CNTRL: variants seen among roughly 807,000 people sequenced by gnomAD.
The protein encoded by CNTRL is centriolin.
A neutral mutation model predicts 303.7 loss-of-function variants in CNTRL; 233 were observed. The observed-to-expected ratio is 0.77, with a 90% CI of 0.69 to 0.86. CNTRL has a LOEUF of 0.86. Among genes scored for constraint, CNTRL ranks in the 40% least tolerant of loss-of-function variants. The pLI is 0.00. For missense variants in CNTRL, 2,524 were observed against 2,650.6 expected (o/e 0.95, Z 1.05); for synonymous variants, 900 against 922.2 (o/e 0.98, Z 0.44).
rs1201861219 is a variant in CNTRL at position 121,150,286 on chromosome 9, G to C, written c.3766G>C (p.Val1256Leu). 2 of 1,614,138 alleles carry C rather than the reference G, an allele frequency of 1.2e-6. No individual in the cohort carries two copies. The highest frequency in any genetic ancestry group is 1.7e-5 in the Admixed American group (1 of 60,022). ...TACTGTGCTTCCTGATGGTTCTCCTGTACCCCAGGGCATGGCCCTGTATGC... is the reference window on the plus strand; with the variant it reads ...TACTGTGCTTCCTGATGGTTCTCCTCTACCCCAGGGCATGGCCCTGTATGC... ...MYTVLPDGSP[V>L]PQGMALYAPP... The change falls in exon 25 of 44, where the codon GTA becomes CTA. Residue 1256 changes from valine (V) to leucine (L), a missense_variant. Transcript: ENST00000373855.
At chr9:121,154,537 T>C (rs2052457247) in intron 26 of CNTRL, among the ~76,000 whole-genome samples, 184 bp from the exon 27 acceptor site, 1 of 152,246 alleles carries the variant, frequency 6.6e-6, no homozygotes, top group East Asian at 1.9e-4. Flanking sequence ...TTATTGCCAA[T>C]AGGAATTCCA....
intron 6 of CNTRL, among the ~76,000 whole-genome samples, chr9:121,097,240 C>G (rs1208215972): frequency 6.6e-6 from 1 of 151,680 alleles, no homozygotes; most frequent in Non-Finnish European, 1.5e-5. Flanking sequence ...GAAAATTGTG[C>G]CATAATTTAA....
intron 2 of CNTRL, among the ~76,000 whole-genome samples, chr9:121,082,279 C>A (rs1040687086): frequency 2.6e-5 from 4 of 152,134 alleles, no homozygotes; most frequent in Admixed American, 6.5e-5. Context: ...CTTATTTGAA[C>A]ATGGTACGAT....
At chr9:121,104,964 C>T (rs2132882911) in intron 7 of CNTRL, among the ~76,000 whole-genome samples, 2 of 152,296 alleles carry the variant, frequency 1.3e-5, no homozygotes, top group African/African-American at 4.8e-5. Flanking sequence ...CCTGCCTCGG[C>T]CTCCCAAAGT....
At chr9:121,121,033 C>A (rs2050200769) in intron 12 of CNTRL, among the ~76,000 whole-genome samples, 1 of 152,122 alleles carries the variant, frequency 6.6e-6, no homozygotes, top group South Asian at 2.1e-4. Flanking sequence ...AGCCTTTAAG[C>A]AGAAGAGAAA....
At chr9:121,174,613 C>A (rs80101022) in intron 42 of CNTRL, among the ~76,000 whole-genome samples, 16,939 of 152,128 alleles carry the variant, frequency 0.11, 1,169 homozygotes, top group East Asian at 0.2. Flanking sequence ...GATTAAATAC[C>A]TAATCATTTA....
intron 5 of CNTRL, 142 bp downstream of exon 5, chr9:121,095,160 C>G (rs2048836422): frequency 3.1e-6 from 2 of 649,274 alleles, no homozygotes; most frequent in Non-Finnish European, 2.5e-6. Flanking sequence ...AAATGAATGT[C>G]TGTCTCTTCA....
In CNTRL at chr9:121,134,198, AT is replaced by A. The variant is rs374661045; in HGVS notation, c.2026-1601del. Among the ~76,000 whole-genome samples the A allele has an allele frequency of 9.9e-4, 151 of 152,074 alleles. 1 individual carries two copies. The highest frequency in any genetic ancestry group is 2.6e-3 in the African/African-American group (106 of 41,464). On this transcript the variant is annotated intron_variant, in intron 14 of 43. Transcript: ENST00000373855. ...TCATAACATCATCCCTTCAACACAC[AT>A]TTTTTTAAGAGCATTTTCCTGCATC...
chr9:121,150,130 C>T (rs1421682048), intron 24 of CNTRL, 40 bp from the exon 25 acceptor site: 1 of 1,523,956 alleles, frequency 6.6e-7, no homozygotes, highest in African/African-American at 1.4e-5. Context: ...GGGTAAAACA[C>T]TCTTTTGTTG....
chr9:121,109,133 C>T (rs1019490296), intron 8 of CNTRL, among the ~76,000 whole-genome samples: 11 of 152,032 alleles, frequency 7.2e-5, no homozygotes, highest in African/African-American at 2.4e-4. Context: ...AAGTGACTTT[C>T]GTACATCCTC....
At chr9:121,163,188 AAATAAT>A (rs981845929) in intron 34 of CNTRL, among the ~76,000 whole-genome samples, 5 of 135,446 alleles carry the variant, frequency 3.7e-5, no homozygotes, top group Non-Finnish European at 8.1e-5. Context: ...AAAAAAAAAA[AAATAAT>A]AATAAAAATA....
At chr9:121,102,740 C>T (rs7861262) in intron 7 of CNTRL, among the ~76,000 whole-genome samples, 1 of 152,030 alleles carries the variant, frequency 6.6e-6, no homozygotes, top group African/African-American at 2.4e-5. Flanking sequence ...CACAAGCATT[C>T]CTATACACCA....
chr9:121,095,624 C>A, intron 5 of CNTRL, among the ~76,000 whole-genome samples: 1 of 151,330 alleles, frequency 6.6e-6, no homozygotes, highest in African/African-American at 2.4e-5. Flanking sequence ...ATATGATGGC[C>A]AAGAAAATGA....
At chr9:121,117,727 C>G (rs1390412796) in intron 11 of CNTRL, among the ~76,000 whole-genome samples, 1 of 152,096 alleles carries the variant, frequency 6.6e-6, no homozygotes, top group African/African-American at 2.4e-5. Flanking sequence ...TGCCTGTAAT[C>G]CCAGCACTTT....
At chr9:121,138,417 A>G in intron 15 of CNTRL, 128 bp from the exon 16 acceptor site, 1 of 936,608 alleles carries the variant, frequency 1.1e-6, no homozygotes. Flanking sequence ...GGGAGTACAA[A>G]CATAAAATTG....
chr9:121,075,138 G>A (rs2131877027), intron 1 of CNTRL, 71 bp downstream of exon 1: 1 of 355,558 alleles, frequency 2.8e-6, no homozygotes, highest in South Asian at 2.1e-5. Context: ...CGGCAAAGGC[G>A]GGAAGGCCCG....
chr9:121,148,823 C>T lies in CNTRL; in HGVS notation c.3611C>T (p.Pro1204Leu). The part of the protein sequence containing the change: ...PPASGYWVYS[P>L]IRSGLHKLFP... ...GCCTCAGGATACTGGGTTTATTCTCCCATCAGGAGTGGGTTACATAAACTG... is the reference window on the plus strand; with the variant it reads ...GCCTCAGGATACTGGGTTTATTCTCTCATCAGGAGTGGGTTACATAAACTG... Residue 1204 changes from proline (P) to leucine (L), a missense_variant, in exon 24 of 44, where the codon CCC (proline) becomes CTC (leucine). Coordinates refer to ENST00000373855, the MANE Select transcript of CNTRL (RefSeq NM_007018.6). 3 of 1,613,742 alleles carry T rather than the reference C, an allele frequency of 1.9e-6. No homozygotes were observed. The highest frequency in any genetic ancestry group is 2.5e-6 in the Non-Finnish European group (3 of 1,179,972).
chr9:121,162,225 C>G lies in CNTRL; in HGVS notation c.5377C>G (p.Gln1793Glu). Residue 1793 changes from glutamine to glutamate, a missense_variant, in exon 34 of 44, where the codon CAA becomes GAA. Coordinates refer to ENST00000373855, the MANE Select transcript of CNTRL (RefSeq NM_007018.6). ...ECLSKEKEDL[Q>E]EKCDIWEKKL... ...TTTGAGCAAAGAAAAGGAAGATCTC[C>G]AAGAGAAATGTGACATTTGGGAAAA... The G allele has an allele frequency of 6.2e-7, 1 of 1,613,984 alleles. No homozygotes were observed. Among genetic ancestry groups the G allele is most frequent in the South Asian group, 1.1e-5 (1 of 91,066 alleles).
chr9:121,165,227 A>C (rs2053038866), intron 35 of CNTRL, 127 bp downstream of exon 35: 1 of 898,728 alleles, frequency 1.1e-6, no homozygotes, highest in Non-Finnish European at 1.6e-6. Context: ...GATTGTGGTA[A>C]TGTTTGCACA....
Sources: gnomAD v4.1 joint callset for allele counts (sites outside exome capture counted in the v4.1 genomes callset) on GRCh38, gnomAD v4.1.1 for gene constraint, MANE v1.5 for transcripts, NCBI Gene and HGNC (gene_info 2026-07-23, HGNC 2026-07-21) for gene names.